The following SPOCK1 variants were observed in gnomAD, a reference collection of about 807,000 sequenced individuals.
SPOCK1 encodes the protein testican-1.
Under a neutral mutation model 55.3 loss-of-function variants are expected in SPOCK1, and 23 were observed. That is an observed-to-expected ratio of 0.42 (90% CI 0.30 to 0.59). The LOEUF (loss-of-function observed/expected upper bound fraction) is 0.59, where lower values mean the gene tolerates loss of function less well. Among genes scored for constraint, SPOCK1 ranks in the 20% least tolerant of loss-of-function variants. SPOCK1 has a pLI of 0.22. For synonymous variants in SPOCK1, 226 were observed against 221.0 expected (o/e 1.02, Z -0.20); for missense variants, 499 against 552.5 (o/e 0.90, Z 0.97).
chr5:137,484,927 G>A (rs916679525), intron 2 of SPOCK1, among the ~76,000 whole-genome samples: 7 of 152,064 alleles, frequency 4.6e-5, no homozygotes, highest in South Asian at 2.1e-4. Context: ...GAAAAAAGAC[G>A]CGCCAAATCA....
At chr5:137,079,544 CCG>C (rs1491088992) in intron 5 of SPOCK1, among the ~76,000 whole-genome samples, 11 of 148,004 alleles carry the variant, frequency 7.4e-5, no homozygotes, top group African/African-American at 2.8e-4. Context: ...CCCCCCCCCC[CCG>C]ACTTAGTGAA....
chr5:137,363,625 A>G (rs1750995363), intron 2 of SPOCK1, among the ~76,000 whole-genome samples: 1 of 152,244 alleles, frequency 6.6e-6, no homozygotes, highest in Non-Finnish European at 1.5e-5. Flanking sequence ...CTGTCAGGAG[A>G]CAATGTAGGG....
chr5:137,017,423 T>C (rs570536065), intron 6 of SPOCK1, among the ~76,000 whole-genome samples: 1 of 152,360 alleles, frequency 6.6e-6, no homozygotes, highest in Non-Finnish European at 1.5e-5. Flanking sequence ...AGAATAATAA[T>C]TTTGGAATTA....
chr5:137,204,013 G>A (rs539089073), intron 3 of SPOCK1, among the ~76,000 whole-genome samples: 10 of 151,950 alleles, frequency 6.6e-5, no homozygotes, highest in South Asian at 6.2e-4. Flanking sequence ...GTGGATATGC[G>A]CTGGGGCTCT....
chr5:137,188,355 T>C (rs955669605), intron 3 of SPOCK1, among the ~76,000 whole-genome samples: 2 of 152,232 alleles, frequency 1.3e-5, no homozygotes, highest in Non-Finnish European at 2.9e-5. Flanking sequence ...GTTGAGCAAG[T>C]CTATTGGCAT....
intron 2 of SPOCK1, among the ~76,000 whole-genome samples, chr5:137,295,764 A>T (rs1036832974): frequency 3.9e-5 from 6 of 151,932 alleles, no homozygotes; most frequent in Non-Finnish European, 8.8e-5. Flanking sequence ...TTTCTGATTT[A>T]TGTGAATCAA....
chr5:137,229,667 C>T (rs1176377485), intron 3 of SPOCK1, among the ~76,000 whole-genome samples: 1 of 152,146 alleles, frequency 6.6e-6, no homozygotes, highest in Non-Finnish European at 1.5e-5. Context: ...AGTCCCCAGC[C>T]TTTTTGGCAC....
At chr5:137,376,683 G>A (rs1751325631) in intron 2 of SPOCK1, among the ~76,000 whole-genome samples, 2 of 152,078 alleles carry the variant, frequency 1.3e-5, no homozygotes, top group African/African-American at 2.4e-5. Flanking sequence ...AGTAACTCCT[G>A]GACTTATCTT....
chr5:137,390,141 C>G (rs1403403827), intron 2 of SPOCK1, among the ~76,000 whole-genome samples: 1 of 152,158 alleles, frequency 6.6e-6, no homozygotes, highest in Non-Finnish European at 1.5e-5. Flanking sequence ...ACTCTGCAAC[C>G]TGGGGGTACT....
At chr5:137,064,077 G>A (rs1041137700) in intron 6 of SPOCK1, among the ~76,000 whole-genome samples, 5 of 152,118 alleles carry the variant, frequency 3.3e-5, no homozygotes, top group African/African-American at 1.2e-4. Context: ...AGTGGACAAG[G>A]TGAGTACAGG....
chr5:137,472,416 A>C (rs113253423), intron 2 of SPOCK1, among the ~76,000 whole-genome samples: 2 of 151,882 alleles, frequency 1.3e-5, no homozygotes, highest in East Asian at 3.9e-4. Context: ...CATTTCACTG[A>C]GATCACATGT....
At chr5:137,294,892 G>T (rs1757448582) in intron 2 of SPOCK1, among the ~76,000 whole-genome samples, 1 of 152,194 alleles carries the variant, frequency 6.6e-6, no homozygotes, top group Non-Finnish European at 1.5e-5. Context: ...TCTCTGCCCA[G>T]CTGCCCTTTA....
At chr5:137,401,259 G>T (rs1347148697) in intron 2 of SPOCK1, among the ~76,000 whole-genome samples, 1 of 152,134 alleles carries the variant, frequency 6.6e-6, no homozygotes, top group Non-Finnish European at 1.5e-5. Context: ...TTCCAACAGG[G>T]ACAAGAAAGA....
At chr5:137,032,182 A>G (rs917325846) in intron 6 of SPOCK1, among the ~76,000 whole-genome samples, 3 of 152,044 alleles carry the variant, frequency 2.0e-5, no homozygotes, top group Admixed American at 2.0e-4. Flanking sequence ...TCAGGAGCTC[A>G]GTACACGTTT....
chr5:137,411,531 T>C (rs1752208268), intron 2 of SPOCK1, among the ~76,000 whole-genome samples: 1 of 152,182 alleles, frequency 6.6e-6, no homozygotes, highest in Non-Finnish European at 1.5e-5. Flanking sequence ...ACTATTGGCA[T>C]TTGAAGACAA....
chr5:137,372,117 C>T (rs1751213298), intron 2 of SPOCK1, among the ~76,000 whole-genome samples: 1 of 152,164 alleles, frequency 6.6e-6, no homozygotes, highest in Non-Finnish European at 1.5e-5. Context: ...TTTATACTCC[C>T]AGCACGTCCC....
chr5:137,355,659 CCCA>C (rs1399972999), intron 2 of SPOCK1, among the ~76,000 whole-genome samples: 3 of 152,146 alleles, frequency 2.0e-5, no homozygotes, highest in Admixed American at 6.5e-5. Context: ...TCTCAGCATT[CCCA>C]CCACACCTTT....
At chr5:137,154,947 C>A (rs1168058860) in intron 3 of SPOCK1, among the ~76,000 whole-genome samples, 1 of 152,174 alleles carries the variant, frequency 6.6e-6, no homozygotes, top group Non-Finnish European at 1.5e-5. Flanking sequence ...GTGGAACTGA[C>A]ACAGCCAGTT....
chr5:137,319,254 A>G lies in SPOCK1; in HGVS notation c.187-52199T>C, dbSNP rs575732862. On this transcript the variant is annotated intron_variant, in intron 2 of 10. Transcript: ENST00000394945. ...CCAGGGAAATTGCATTTTGAGGGAA[A>G]TTCTTCTAGGTAAAAACCCATATAA... Among the ~76,000 whole-genome samples the G allele has an allele frequency of 2.6e-5, 4 of 152,354 alleles. No individual in the cohort carries two copies. In the South Asian group the frequency reaches 8.3e-4, roughly 32 times the overall value.
Sources: gnomAD v4.1 joint callset for allele counts (sites outside exome capture counted in the v4.1 genomes callset) on GRCh38, gnomAD v4.1.1 for gene constraint, MANE v1.5 for transcripts, NCBI Gene and HGNC (gene_info 2026-07-23, HGNC 2026-07-21) for gene names.